Variants in SPOCK2 observed in about 807,000 individuals in gnomAD.
SPOCK2 encodes testican-2.
A neutral mutation model predicts 60.1 loss-of-function variants in SPOCK2; 39 were observed. The ratio of observed to expected loss-of-function variants is 0.65; its 90% CI spans 0.50 to 0.85. The LOEUF is 0.85. SPOCK2 is among the 40% of genes least tolerant of loss of function. The probability of loss-of-function intolerance (pLI) is 0.00; values close to 1 mark genes in which losing one functional copy is unlikely to be tolerated. For missense variants in SPOCK2, 523 were observed against 567.4 expected, an observed-to-expected ratio of 0.92 and a Z score of 0.80; for synonymous variants, 217 against 231.5, an observed-to-expected ratio of 0.94 and a Z score of 0.57.
chr10:72,068,902 C>G (rs1840608367), intron 5 of SPOCK2: 1 of 152,536 alleles, frequency 6.6e-6, no homozygotes, highest in Non-Finnish European at 1.5e-5. Context: ...GGGGCGGCTG[C>G]TAATGGGAAG....
At chr10:72,077,502 G>C (rs1840728485) in intron 1 of SPOCK2, among the ~76,000 whole-genome samples, 1 of 152,086 alleles carries the variant, frequency 6.6e-6, no homozygotes, top group Non-Finnish European at 1.5e-5. Flanking sequence ...GTGGTACCCA[G>C]CTCGGGCCAC....
In SPOCK2 at chr10:72,088,466, GT is replaced by G; in HGVS notation, c.-139del. On this transcript the variant is annotated 5_prime_UTR_variant, in exon 1 of 11. Coordinates refer to ENST00000373109, the MANE Select transcript of SPOCK2 (RefSeq NM_001244950.2). ...GTCTGCCTCCGGTGACTGGCGGAGA[GT>G]GGGTCGCGGCTGAAATGTGACCTGG... 9.6e-7 allele frequency: 1 copy of G among 1,040,798 alleles called. No individual in the cohort carries two copies. Among genetic ancestry groups the G allele is most frequent in the Non-Finnish European group, 1.3e-6 (1 of 742,154 alleles). 64.5% of individuals were successfully genotyped at this position (1,040,798 alleles called of 1,614,324 possible). A position where few individuals can be genotyped will look rare whatever the true frequency, so the allele number is the denominator to read the frequency against.
chr10:72,087,059 A>G lies in SPOCK2; in HGVS notation c.189+1081T>C. On this transcript the variant is annotated intron_variant, in intron 1 of 10. Transcript: ENST00000373109. This position sits in a 1 kb window ranked among gnomAD's most constrained non-coding sequence, Gnocchi z 4.7. ...TTCTGGGGTCAGGGCCGCGGTGAGC[A>G]CCAGGTCGCCAGGAGCAGCCGGCGT... 1 of 1,514,756 alleles carries G rather than the reference A, an allele frequency of 6.6e-7. No individual in the cohort carries two copies. The highest frequency in any genetic ancestry group is 1.4e-5 in the African/African-American group (1 of 71,802). 93.8% of individuals were successfully genotyped at this position (1,514,756 alleles called of 1,614,324 possible).
intron 1 of SPOCK2, among the ~76,000 whole-genome samples, chr10:72,075,274 C>A (rs560350592): frequency 6.6e-6 from 1 of 152,224 alleles, no homozygotes; most frequent in South Asian, 2.1e-4. Flanking sequence ...ACCCATCATC[C>A]CCTGGGGCAG....
chr10:72,066,856 A>C, intron 8 of SPOCK2, 46 bp downstream of exon 8: 1 of 1,607,030 alleles, frequency 6.2e-7, no homozygotes, highest in South Asian at 1.1e-5. Context: ...CTTCGGGTAG[A>C]GCCCACACGG....
chr10:72,063,164 T>C lies in SPOCK2; in HGVS notation c.992-2A>G. Reference sequence around the variant, plus strand: ...CGTCGCAGCTCGGGATGAAGATGCCTGAATGAGACAGTGCCAGGCAGGGTC... The same window carrying C: ...CGTCGCAGCTCGGGATGAAGATGCCCGAATGAGACAGTGCCAGGCAGGGTC... On this transcript the variant is annotated splice_acceptor_variant, in intron 9 of 10. Coordinates refer to ENST00000373109, the MANE Select transcript of SPOCK2 (RefSeq NM_001244950.2). LOFTEE classifies it high-confidence loss of function. The C allele has an allele frequency of 6.4e-7, 1 of 1,556,164 alleles. No homozygotes were observed. Among genetic ancestry groups the C allele is most frequent in the Non-Finnish European group, 8.7e-7 (1 of 1,149,510 alleles).
At chr10:72,083,453 G>A (rs1031882084) in intron 1 of SPOCK2, among the ~76,000 whole-genome samples, 1 of 152,358 alleles carries the variant, frequency 6.6e-6, no homozygotes, top group Admixed American at 6.5e-5. Context: ...CCCTCACTGG[G>A]AAGATGAGCA....
chr10:72,085,364 A>G (rs1172644367), intron 1 of SPOCK2, among the ~76,000 whole-genome samples: 17 of 152,218 alleles, frequency 1.1e-4, no homozygotes, highest in Non-Finnish European at 1.5e-5. Context: ...AAGAGCCCTC[A>G]GCCCACTGGA....
intron 8 of SPOCK2, among the ~76,000 whole-genome samples, chr10:72,066,699 C>T (rs1404787843): frequency 6.6e-6 from 1 of 152,108 alleles, no homozygotes; most frequent in Non-Finnish European, 1.5e-5. Context: ...GGGAGCCTGC[C>T]AAGGAAGGGA....
In SPOCK2 at chr10:72,068,253, G is replaced by C. The variant is rs763573105; in HGVS notation, c.523C>G (p.Arg175Gly). Residue 175 changes from arginine to glycine, a missense_variant, in exon 6 of 11, where the codon CGA becomes GGA. Physicochemically the swap from Arg to Gly is moderately radical, Grantham distance 125. Transcript: ENST00000373109. ...ACLSSKQLAV[R>G]CEGPCPCPTE... Reference sequence around the variant, plus strand: ...GGGCAGGGGCAGGGGCCCTCGCATCGCACCGCCAGCTGCTTGCTGCTCAGG... The same window carrying C: ...GGGCAGGGGCAGGGGCCCTCGCATCCCACCGCCAGCTGCTTGCTGCTCAGG... 1.9e-6 allele frequency: 3 copies of C among 1,611,934 alleles called. No homozygotes were observed. The highest frequency in any genetic ancestry group is 2.5e-6 in the Non-Finnish European group (3 of 1,179,380).
intron 1 of SPOCK2, among the ~76,000 whole-genome samples, chr10:72,074,215 T>A (rs1840685579): frequency 6.6e-6 from 1 of 151,988 alleles, no homozygotes; most frequent in African/African-American, 2.4e-5. Context: ...GGCTTTGAAA[T>A]CCAAGGCCTT....
Position 72,059,864 on chromosome 10 carries a change from A to T in SPOCK2, c.*2896T>A, listed in dbSNP as rs1294229981. The T allele has an allele frequency of 6.5e-6, 1 of 152,844 alleles. No individual in the cohort carries two copies. The highest frequency in any genetic ancestry group is 2.4e-5 in the African/African-American group (1 of 41,444). The allele number at this position is 152,844 out of a possible 1,614,324, so 9.5% of individuals were successfully genotyped here. A position where few individuals can be genotyped will look rare whatever the true frequency, so the allele number is the denominator to read the frequency against. On this transcript the variant is annotated 3_prime_UTR_variant, in exon 11 of 11. Coordinates refer to ENST00000373109, the MANE Select transcript of SPOCK2 (RefSeq NM_001244950.2). ...TATTTTCTCTGCTGCAACCTACCAG[A>T]TCTGACATCCACCTCCCCCAGCACC...
rs1211411668 is a variant in SPOCK2, at chr10:72,066,885, A to T, written c.928+17T>A. The T allele has an allele frequency of 3.1e-6, 5 of 1,613,562 alleles. No individual in the cohort carries two copies. The highest frequency in any genetic ancestry group is 4.2e-6 in the Non-Finnish European group (5 of 1,179,824). On this transcript the variant is annotated intron_variant, in intron 8 of 10. Coordinates refer to ENST00000373109, the MANE Select transcript of SPOCK2 (RefSeq NM_001244950.2). ...CACACGGGTGAGGCAGGGGCCTGGG[A>T]GGGGGGCTGCACTCACTCTCCCTCC...
In SPOCK2 at chr10:72,062,900, T is replaced by A. The variant is rs759910457; in HGVS notation, c.1135A>T (p.Ile379Phe). ...RTHGSPDCDD[I>F]VGFSGDFGSG... ...CCAAAGTCCCCCGAGAAGCCCACGA[T>A]GTCATCTGTGAGGGGATCAAGCCAA... Residue 379 changes from isoleucine to phenylalanine, a missense_variant, in exon 11 of 11, where the codon ATC (isoleucine) becomes TTC (phenylalanine). Ile to Phe is a conservative substitution (Grantham distance 21, BLOSUM62 0). Coordinates refer to ENST00000373109, the MANE Select transcript of SPOCK2 (RefSeq NM_001244950.2). This position sits in a 1 kb window ranked among gnomAD's most constrained non-coding sequence, Gnocchi z 4.3. 1 of 1,596,414 alleles carries A rather than the reference T, an allele frequency of 6.3e-7. No individual in the cohort carries two copies.
chr10:72,063,407 T>C (rs368288431), intron 9 of SPOCK2, among the ~76,000 whole-genome samples: 14 of 152,300 alleles, frequency 9.2e-5, no homozygotes, highest in African/African-American at 3.4e-4. Context: ...GCCCCTGTGC[T>C]AGCTCCCAGC....
chr10:72,074,679 C>T (rs371624426), intron 1 of SPOCK2, among the ~76,000 whole-genome samples: 1 of 152,192 alleles, frequency 6.6e-6, no homozygotes, highest in Non-Finnish European at 1.5e-5. Flanking sequence ...CTGCCTCTTC[C>T]GCAGTGAGAG....
At chr10:72,088,621 TAAAAAAAA>T, upstream of SPOCK2, 1 of 181,634 alleles carries the variant, frequency 5.5e-6, no homozygotes, top group Non-Finnish European at 1.1e-5. Flanking sequence ...ATACCTGGTT[TAAAAAAAA>T]AAAAAAAAAA....
At chr10:72,084,261 C>G (rs1006348287) in intron 1 of SPOCK2, among the ~76,000 whole-genome samples, 7 of 152,208 alleles carry the variant, frequency 4.6e-5, no homozygotes, top group Non-Finnish European at 1.0e-4. Context: ...TGGAAGCCCT[C>G]CAGCCCCCTG....
At chr10:72,075,107 C>T (rs895087246) in intron 1 of SPOCK2, among the ~76,000 whole-genome samples, 1 of 152,154 alleles carries the variant, frequency 6.6e-6, no homozygotes, top group Non-Finnish European at 1.5e-5. Flanking sequence ...ACGAAGCCTT[C>T]TCCAGGAGCT....
Sources: allele counts gnomAD v4.1 joint callset (sites outside exome capture counted in the v4.1 genomes callset), GRCh38; gene constraint gnomAD v4.1.1; non-coding constraint Gnocchi (gnomAD v3.1); transcripts MANE v1.5; gene names NCBI Gene and HGNC (gene_info 2026-07-23, HGNC 2026-07-21).